NAPEPLD: variants seen among roughly 807,000 people sequenced by gnomAD.
The protein encoded by NAPEPLD is N-acyl phosphatidylethanolamine phospholipase D, also known as N-acyl-phosphatidylethanolamine-hydrolyzing phospholipase D.
A neutral mutation model predicts 38.1 loss-of-function variants in NAPEPLD; 23 were observed. That is an observed-to-expected ratio of 0.60 (90% CI 0.43 to 0.86). NAPEPLD has a LOEUF of 0.86. Among genes scored for constraint, NAPEPLD ranks in the 40% least tolerant of loss-of-function variants. The probability of loss-of-function intolerance (pLI) is 0.00; values close to 1 mark genes in which losing one functional copy is unlikely to be tolerated. For synonymous variants in NAPEPLD, 147 were observed against 162.0 expected (o/e 0.91, Z 0.71); for missense variants, 411 against 476.8 (o/e 0.86, Z 1.28).
intron 2 of NAPEPLD, among the ~76,000 whole-genome samples, chr7:103,122,849 T>C (rs1563357387): frequency 6.6e-6 from 1 of 152,182 alleles, no homozygotes; most frequent in South Asian, 2.1e-4. Flanking sequence ...GTCAACTCAA[T>C]CCATGCACAA....
intron 4 of NAPEPLD, among the ~76,000 whole-genome samples, chr7:103,105,798 T>A (rs780571930): frequency 6.6e-6 from 1 of 152,092 alleles, no homozygotes; most frequent in Non-Finnish European, 1.5e-5. Context: ...CCAGGCATAG[T>A]GGCCGGCACC....
At chr7:103,124,061 G>C (rs1807254101) in intron 2 of NAPEPLD, among the ~76,000 whole-genome samples, 1 of 152,116 alleles carries the variant, frequency 6.6e-6, no homozygotes, top group Non-Finnish European at 1.5e-5. Flanking sequence ...CAACACTTCA[G>C]GAGGCCTAGG....
At chr7:103,128,261 C>T (rs1387538185) in intron 2 of NAPEPLD, 1 of 533,566 alleles carries the variant, frequency 1.9e-6, no homozygotes, top group Non-Finnish European at 3.2e-6. Context: ...CTTTCCTGTA[C>T]CTCTAAAGCA....
rs1364085588 is a variant in NAPEPLD at position 103,101,184 on chromosome 7, T to C, written c.*2245A>G. On this transcript the variant is annotated 3_prime_UTR_variant, in exon 5 of 5. Coordinates refer to ENST00000465647, the MANE Select transcript of NAPEPLD (RefSeq NM_001122838.3). ...GTATTAGGGCAACACACCTCAAAGCTAACTCACCATAAACCTAACATCTTG... is the reference window on the plus strand; with the variant it reads ...GTATTAGGGCAACACACCTCAAAGCCAACTCACCATAAACCTAACATCTTG... 6.6e-6 allele frequency: 1 copy of C among 152,184 alleles called. No homozygotes were observed. The highest frequency in any genetic ancestry group is 1.9e-4 in the East Asian group (1 of 5,200). 9.4% of individuals were successfully genotyped at this position (152,184 alleles called of 1,614,324 possible).
intron 3 of NAPEPLD, among the ~76,000 whole-genome samples, chr7:103,117,434 TA>T (rs1805790584): frequency 6.6e-6 from 1 of 152,216 alleles, no homozygotes; most frequent in Non-Finnish European, 1.5e-5. Context: ...GAAATAGATT[TA>T]AATTTTTTAC....
chr7:103,149,644 AGCACGCGGCCTGCCCCG>A (rs1813319988), upstream of NAPEPLD: 1 of 371,212 alleles, frequency 2.7e-6, no homozygotes, highest in Non-Finnish European at 4.4e-6. Flanking sequence ...AGCGCCTGGG[AGCACGCGGCCTGCCCCG>A]GCCCGCCTCG....
chr7:103,104,624 T>C (rs575501730), intron 4 of NAPEPLD, among the ~76,000 whole-genome samples: 69 of 152,318 alleles, frequency 4.5e-4, no homozygotes, highest in African/African-American at 1.6e-3. Context: ...GACTACTGAG[T>C]AAGTTTGGTT....
chr7:103,114,598 C>T (rs1458591744), intron 4 of NAPEPLD, among the ~76,000 whole-genome samples: 2 of 152,136 alleles, frequency 1.3e-5, no homozygotes, highest in East Asian at 3.9e-4. Flanking sequence ...TCACTTATTC[C>T]ATCACGCCCT....
intron 1 of NAPEPLD, among the ~76,000 whole-genome samples, chr7:103,136,235 C>A (rs1345465409): frequency 6.6e-6 from 1 of 151,614 alleles, no homozygotes; most frequent in Non-Finnish European, 1.5e-5. Flanking sequence ...CCACCGCACT[C>A]CAGCCTGGGT....
At chr7:103,103,992 G>C in intron 4 of NAPEPLD, among the ~76,000 whole-genome samples, 1 of 152,134 alleles carries the variant, frequency 6.6e-6, no homozygotes. Context: ...TTGTTTTGCT[G>C]AAGAAGGGTT....
At chr7:103,148,051 A>C (rs1242433885) in intron 1 of NAPEPLD, 1 of 984,192 alleles carries the variant, frequency 1.0e-6, no homozygotes, top group African/African-American at 1.7e-5. Context: ...TAAAGATTAC[A>C]TAACTTCTTT....
At chr7:103,149,720 C>G (rs187477776), upstream of NAPEPLD, among the ~76,000 whole-genome samples, 48 of 152,300 alleles carry the variant, frequency 3.2e-4, no homozygotes, top group East Asian at 7.7e-3. Flanking sequence ...TTGGTTCCCC[C>G]CGCTGTCCTA....
chr7:103,122,381 G>C (rs2129529214), intron 2 of NAPEPLD, among the ~76,000 whole-genome samples: 1 of 152,150 alleles, frequency 6.6e-6, no homozygotes, highest in Middle Eastern at 3.4e-3. Flanking sequence ...CACAACAGTT[G>C]CCAAGATATG....
intron 1 of NAPEPLD, among the ~76,000 whole-genome samples, chr7:103,138,616 G>A (rs1810578661): frequency 1.3e-5 from 2 of 151,888 alleles, no homozygotes; most frequent in Admixed American, 6.6e-5. Context: ...TCGCAGGCAC[G>A]CACCACCACA....
chr7:103,110,335 C>A (rs1353643616), intron 4 of NAPEPLD, among the ~76,000 whole-genome samples: 1 of 152,100 alleles, frequency 6.6e-6, no homozygotes, highest in Non-Finnish European at 1.5e-5. Flanking sequence ...ATGCGAAAAT[C>A]CTCAATAATG....
chr7:103,137,815 C>CAAAAAAAAAAAAAAAAAAAAAAAAA (rs79429621), intron 1 of NAPEPLD, among the ~76,000 whole-genome samples: 1 of 107,534 alleles, frequency 9.3e-6, no homozygotes, highest in African/African-American at 3.5e-5. Context: ...GATGCTGTCT[C>CAAAAAAAAAAAAAAAAAAAAAAAAA]AAAAAAAAAA....
intron 1 of NAPEPLD, among the ~76,000 whole-genome samples, chr7:103,134,156 T>C (rs921682246): frequency 1.3e-5 from 2 of 152,182 alleles, no homozygotes; most frequent in African/African-American, 4.8e-5. Flanking sequence ...GGAAAATAAA[T>C]ACGTTGGGAC....
At chr7:103,117,594 C>G (rs1474718267) in intron 3 of NAPEPLD, among the ~76,000 whole-genome samples, 1 of 152,150 alleles carries the variant, frequency 6.6e-6, no homozygotes, top group Non-Finnish European at 1.5e-5. Flanking sequence ...ATTTATAGAG[C>G]ACTCTCAAGT....
chr7:103,107,530 G>T (rs146748056), intron 4 of NAPEPLD, among the ~76,000 whole-genome samples: 1,677 of 151,990 alleles, frequency 0.011, 34 homozygotes, highest in African/African-American at 0.039. Flanking sequence ...TTGCTAACTA[G>T]AAAAAACAGT....
Sources: gnomAD v4.1 joint callset for allele counts (sites outside exome capture counted in the v4.1 genomes callset) on GRCh38, gnomAD v4.1.1 for gene constraint, MANE v1.5 for transcripts, NCBI Gene and HGNC (gene_info 2026-07-23, HGNC 2026-07-21) for gene names.